The following SND1 variants were observed in gnomAD, a reference collection of about 807,000 sequenced individuals.
SND1 encodes the protein staphylococcal nuclease and tudor domain containing 1, also known as staphylococcal nuclease domain-containing protein 1.
Under a neutral mutation model 121.7 loss-of-function variants are expected in SND1, and 38 were observed. That is an observed-to-expected ratio of 0.31 (90% CI 0.24 to 0.41). The LOEUF (loss-of-function observed/expected upper bound fraction) is 0.41. Among genes scored for constraint, SND1 ranks in the 10% least tolerant of loss-of-function variants. SND1 has a pLI of 1.00. For synonymous variants in SND1, 401 were observed against 447.4 expected, an observed-to-expected ratio of 0.90 and a Z score of 1.31; for missense variants, 868 against 1,184.6, an observed-to-expected ratio of 0.73 and a Z score of 3.92.
At chr7:128,083,271 G>A (rs1212160325) in intron 18 of SND1, among the ~76,000 whole-genome samples, 1 of 152,248 alleles carries the variant, frequency 6.6e-6, no homozygotes, top group Admixed American at 6.5e-5. Context: ...ACAAAGTCCT[G>A]CTTCTGTTGC....
At chr7:127,868,944 A>G (rs1177438233) in intron 12 of SND1, among the ~76,000 whole-genome samples, 5 of 152,150 alleles carry the variant, frequency 3.3e-5, no homozygotes, top group Admixed American at 6.5e-5. Context: ...CACTGGGGAT[A>G]GATCAGTGCA....
chr7:127,905,049 A>G (rs919028693), intron 14 of SND1, among the ~76,000 whole-genome samples: 5 of 152,140 alleles, frequency 3.3e-5, no homozygotes, highest in Non-Finnish European at 4.4e-5. Flanking sequence ...AACTGTTTCT[A>G]TGTTGCTTTT....
intron 1 of SND1, among the ~76,000 whole-genome samples, chr7:127,660,614 C>G (rs806169): frequency 0.73 from 110,426 of 152,126 alleles, 41,579 homozygotes; most frequent in African/African-American, 0.92. Context: ...CTGGAAATCT[C>G]ATATTCAAAA....
intron 12 of SND1, among the ~76,000 whole-genome samples, chr7:127,846,132 A>C (rs1015265108): frequency 1.3e-5 from 2 of 152,224 alleles, no homozygotes; most frequent in Non-Finnish European, 2.9e-5. Context: ...GTTTAACAAC[A>C]CAGGTTGGTT....
chr7:127,900,083 A>C (rs141811920), intron 13 of SND1, among the ~76,000 whole-genome samples: 31 of 152,250 alleles, frequency 2.0e-4, no homozygotes, highest in African/African-American at 7.2e-4. Context: ...TTCATGTATG[A>C]AAGTAGTTCT....
At position 127,698,988 on chromosome 7, in the gene SND1, C is replaced by T. The variant is rs545285121; in HGVS notation, c.428+35C>T. 7.8e-5 allele frequency: 122 copies of T among 1,562,594 alleles called. 1 individual carries two copies. Among genetic ancestry groups the T allele is most frequent in the South Asian group, 3.8e-4 (34 of 89,474 alleles). On this transcript the variant is annotated intron_variant, in intron 4 of 23. Transcript: ENST00000354725. ...CATTACTCCGCTGTCTCTCTGACAG[C>T]GGTAAATTGGCTTTGCTGCATTTTT... is the stretch of plus-strand genomic sequence containing the variant.
intron 16 of SND1, among the ~76,000 whole-genome samples, chr7:128,060,804 A>G (rs922159269): frequency 6.6e-6 from 1 of 152,164 alleles, no homozygotes; most frequent in South Asian, 2.1e-4. Flanking sequence ...GTTCTTATTC[A>G]AGGGTGGGGT....
intron 13 of SND1, among the ~76,000 whole-genome samples, chr7:127,895,164 G>C (rs1026683449): frequency 1.3e-5 from 2 of 151,940 alleles, no homozygotes; most frequent in Admixed American, 6.6e-5. Flanking sequence ...TAATGGTATG[G>C]CTTTTAAATA....
intron 10 of SND1, among the ~76,000 whole-genome samples, chr7:127,794,540 T>G (rs1797976742): frequency 6.6e-6 from 1 of 152,238 alleles, no homozygotes; most frequent in Non-Finnish European, 1.5e-5. Context: ...AAAGAAGCAT[T>G]TCTCTAACAA....
chr7:127,999,153 G>A (rs1461422930), intron 16 of SND1: 2 of 152,196 alleles, frequency 1.3e-5, no homozygotes, highest in African/African-American at 4.8e-5. Context: ...TCCCAGGATG[G>A]CTGTTGGGAT....
intron 15 of SND1, among the ~76,000 whole-genome samples, chr7:127,971,613 T>G (rs1402329668): frequency 6.6e-6 from 1 of 152,092 alleles, no homozygotes; most frequent in African/African-American, 2.4e-5. Flanking sequence ...CACCAGCCTC[T>G]CTCCCCTAAG....
chr7:127,745,254 C>A (rs553177703), intron 10 of SND1, among the ~76,000 whole-genome samples: 9 of 152,134 alleles, frequency 5.9e-5, no homozygotes, highest in Non-Finnish European at 1.3e-4. Flanking sequence ...AGGCTGTAAA[C>A]CTGTACAGCA....
chr7:127,817,727 T>C (rs80038887), intron 11 of SND1, among the ~76,000 whole-genome samples: 1 of 126,272 alleles, frequency 7.9e-6, no homozygotes, highest in South Asian at 2.6e-4. Flanking sequence ...CATACTTTTT[T>C]TTTTTTTTTT....
chr7:127,991,042 G>C lies in SND1; in HGVS notation c.1765G>C (p.Val589Leu). The change falls in exon 16 of 24, where the codon GTG (valine) becomes CTG (leucine). Residue 589 changes from valine to leucine, a missense_variant. Physicochemically the swap from Val to Leu is conservative, Grantham distance 32 (BLOSUM62 1). Coordinates refer to ENST00000354725, the MANE Select transcript of SND1 (RefSeq NM_014390.4). ...EEATLFTKELVLQREVEVEVE... is the reference protein window; with the variant it reads ...EEATLFTKELLLQREVEVEVE... ...AGCTACACTTTTCACCAAGGAACTGGTGCTGCAGCGAGAGGTAGGACATCT... is the reference window on the plus strand; with the variant it reads ...AGCTACACTTTTCACCAAGGAACTGCTGCTGCAGCGAGAGGTAGGACATCT... 1 of 1,613,424 alleles carries C rather than the reference G, an allele frequency of 6.2e-7. No individual in the cohort carries two copies. The highest frequency in any genetic ancestry group is 2.2e-5 in the East Asian group (1 of 44,848).
chr7:127,851,926 G>A (rs980037931), intron 12 of SND1, among the ~76,000 whole-genome samples: 3 of 152,176 alleles, frequency 2.0e-5, no homozygotes, highest in African/African-American at 2.4e-5. Flanking sequence ...GGAGGTGGAG[G>A]TGGGTGGATC....
At chr7:127,919,690 G>A (rs970769058) in intron 14 of SND1, among the ~76,000 whole-genome samples, 1 of 152,088 alleles carries the variant, frequency 6.6e-6, no homozygotes, top group Non-Finnish European at 1.5e-5. Context: ...TGAAAATGTG[G>A]AAGATGTTTA....
At chr7:128,074,788 CCA>C in intron 17 of SND1, 98 bp downstream of exon 17, 15 of 1,205,228 alleles carry the variant, frequency 1.2e-5, no homozygotes, top group Non-Finnish European at 1.7e-5. Flanking sequence ...TCTCTCATCC[CCA>C]CAGAGTAGCC....
intron 2 of SND1, among the ~76,000 whole-genome samples, chr7:127,692,771 G>T (rs1490745335): frequency 6.6e-6 from 1 of 152,144 alleles, no homozygotes; most frequent in African/African-American, 2.4e-5. Flanking sequence ...TTTCTTACAC[G>T]GTTAGGCATA....
At chr7:128,082,232 A>T (rs1380498042) in intron 18 of SND1, among the ~76,000 whole-genome samples, 1 of 152,234 alleles carries the variant, frequency 6.6e-6, no homozygotes, top group African/African-American at 2.4e-5. Flanking sequence ...CACCCTGTGC[A>T]GGGAAACAGT....
Sources: allele counts gnomAD v4.1 joint callset (sites outside exome capture counted in the v4.1 genomes callset), GRCh38; gene constraint gnomAD v4.1.1; transcripts MANE v1.5; gene names NCBI Gene and HGNC (gene_info 2026-07-23, HGNC 2026-07-21).